The following ERP27 variants were observed in gnomAD, a reference collection of about 807,000 sequenced individuals.
ERP27 encodes the protein endoplasmic reticulum protein 27, also known as endoplasmic reticulum resident protein 27.
In ERP27, 23 loss-of-function variants were observed where a neutral mutation model predicts 27.7. The ratio of observed to expected loss-of-function variants is 0.83; its 90% CI spans 0.60 to 1.18. The LOEUF (loss-of-function observed/expected upper bound fraction) is 1.18. Ranked by LOEUF, ERP27 falls within the 50% of genes most tolerant of loss-of-function variation. The pLI, the probability that ERP27 is intolerant of heterozygous loss-of-function variation, is 0.00. For synonymous variants in ERP27, 159 were observed against 118.3 expected, an observed-to-expected ratio of 1.34 and a Z score of -2.23; for missense variants, 363 against 327.9, an observed-to-expected ratio of 1.11 and a Z score of -0.83.
chr12:14,919,216 A>G (rs1291608384), intron 4 of ERP27, among the ~76,000 whole-genome samples: 2 of 152,228 alleles, frequency 1.3e-5, no homozygotes, highest in African/African-American at 2.4e-5. Context: ...AGGAAATAAA[A>G]AAAGTAACAA....
intron 3 of ERP27, among the ~76,000 whole-genome samples, chr12:14,933,053 T>G (rs1185162390): frequency 6.6e-6 from 1 of 152,240 alleles, no homozygotes; most frequent in Admixed American, 6.5e-5. Flanking sequence ...GCAAAAGAAT[T>G]GTACTTCTTA....
At chr12:14,931,717 T>C (rs1033056235) in intron 3 of ERP27, among the ~76,000 whole-genome samples, 1 of 152,126 alleles carries the variant, frequency 6.6e-6, no homozygotes, top group Admixed American at 6.6e-5. Flanking sequence ...TGTTAGAGGA[T>C]GTTAAACCTG....
At chr12:14,919,646 G>A (rs1863469188) in intron 4 of ERP27, among the ~76,000 whole-genome samples, 1 of 152,122 alleles carries the variant, frequency 6.6e-6, no homozygotes. Flanking sequence ...TAGGGCAATA[G>A]ACAACCACAG....
chr12:14,936,918 C>T (rs1317283834), intron 2 of ERP27, among the ~76,000 whole-genome samples: 1 of 152,066 alleles, frequency 6.6e-6, no homozygotes, highest in Non-Finnish European at 1.5e-5. Flanking sequence ...ACCCGTCTTG[C>T]ATCTGGGGTC....
chr12:14,921,537 G>A (rs1863504070), intron 3 of ERP27, among the ~76,000 whole-genome samples: 1 of 152,164 alleles, frequency 6.6e-6, no homozygotes, highest in Admixed American at 6.5e-5. Flanking sequence ...CTGAAGCCAA[G>A]GCATGTAGAT....
At chr12:14,938,325 A>G in intron 1 of ERP27, 90 bp downstream of exon 1, 2 of 1,352,534 alleles carry the variant, frequency 1.5e-6, no homozygotes, top group South Asian at 2.4e-5. Context: ...CTAGGTGTGG[A>G]GGAAAAGTAC....
At chr12:14,915,010 A>G (rs1863386398) in intron 6 of ERP27, among the ~76,000 whole-genome samples, 1 of 152,144 alleles carries the variant, frequency 6.6e-6, no homozygotes, top group South Asian at 2.1e-4. Context: ...ATATCCTAAC[A>G]AGCATCCTGA....
chr12:14,934,811 C>G, intron 3 of ERP27, 45 bp downstream of exon 3: 3 of 1,612,038 alleles, frequency 1.9e-6, no homozygotes, highest in Non-Finnish European at 2.5e-6. Context: ...AGTCCACAAC[C>G]CAGTGAAAAT....
chr12:14,935,142 G>T (rs997526814), intron 2 of ERP27, 149 bp from the exon 3 acceptor site: 1 of 1,438,560 alleles, frequency 7.0e-7, no homozygotes, highest in Non-Finnish European at 9.1e-7. Context: ...AACAATTCAG[G>T]TTTAACTGGC....
intron 3 of ERP27, among the ~76,000 whole-genome samples, chr12:14,934,500 T>C (rs1413036187): frequency 6.6e-6 from 1 of 152,162 alleles, no homozygotes; most frequent in Non-Finnish European, 1.5e-5. Flanking sequence ...ATATTTAATA[T>C]AAAAATTTTG....
chr12:14,935,395 C>T lies in ERP27; in HGVS notation c.196-402G>A, dbSNP rs55654803. ...AGCAAACAAACTAACATAACCAACT[C>T]TATTTTTGTTTAAAGGGCATTTATT... On this transcript the variant is annotated intron_variant, in intron 2 of 6. Coordinates refer to ENST00000266397, the MANE Select transcript of ERP27 (RefSeq NM_152321.4). Among the ~76,000 whole-genome samples, 860 of 152,298 alleles carry T rather than the reference C, an allele frequency of 5.6e-3. 3 individuals are homozygous for T. The highest frequency in any genetic ancestry group is 8.4e-3 in the Non-Finnish European group (568 of 68,018).
intron 3 of ERP27, among the ~76,000 whole-genome samples, chr12:14,930,626 C>CTTG (rs1565453128): frequency 6.6e-6 from 1 of 151,832 alleles, no homozygotes; most frequent in African/African-American, 2.4e-5. Context: ...TTATATGCAA[C>CTTG]TTATGGTTTC....
intron 4 of ERP27, among the ~76,000 whole-genome samples, chr12:14,917,983 G>GCC (rs1268220091): frequency 6.6e-6 from 1 of 152,186 alleles, no homozygotes; most frequent in African/African-American, 2.4e-5. Context: ...CTTTATTTCA[G>GCC]CCCCCTCTCT....
chr12:14,922,862 G>A lies in ERP27; in HGVS notation c.334-1814C>T, dbSNP rs2430696. Among the ~76,000 whole-genome samples, 418 of 152,242 alleles carry A rather than the reference G, an allele frequency of 2.7e-3. 2 individuals carry two copies. Among genetic ancestry groups the A allele is most frequent in the African/African-American group, 9.0e-3 (373 of 41,546 alleles). On this transcript the variant is annotated intron_variant, in intron 3 of 6. Transcript: ENST00000266397. The stretch of plus-strand genomic sequence containing the variant: ...AGGCCGAGGCCAGCGGATCACCTGA[G>A]GTCAGGAGTTCAAGACTAGCCGGCC...
chr12:14,923,507 CT>C (rs1863545058), intron 3 of ERP27, among the ~76,000 whole-genome samples: 1 of 151,368 alleles, frequency 6.6e-6, no homozygotes, highest in African/African-American at 2.4e-5. Flanking sequence ...ATCTATCTAT[CT>C]ATCTATCTAT....
chr12:14,938,336 C>G lies in ERP27; in HGVS notation c.94+79G>C, dbSNP rs1172624582. 3 of 1,432,998 alleles carry G rather than the reference C, an allele frequency of 2.1e-6. No homozygotes were observed. In the Admixed American group the frequency reaches 5.1e-5, roughly 24 times the overall value. The allele number at this position is 1,432,998 out of a possible 1,614,324, so 88.8% of individuals were successfully genotyped here. A position where few individuals can be genotyped will look rare whatever the true frequency, so the allele number is the denominator to read the frequency against. On this transcript the variant is annotated intron_variant, in intron 1 of 6. Transcript: ENST00000266397. ...CTTTCTAGGTGTGGAGGAAAAGTAC[C>G]CAGAGAACCACCATGCTCCCTTTCC...
At chr12:14,924,528 A>AC (rs1188605620) in intron 3 of ERP27, among the ~76,000 whole-genome samples, 1 of 152,160 alleles carries the variant, frequency 6.6e-6, no homozygotes, top group Non-Finnish European at 1.5e-5. Context: ...CCACATCCAC[A>AC]CCAGCGTTTG....
chr12:14,935,171 T>C, intron 2 of ERP27, 178 bp from the exon 3 acceptor site: 1 of 985,348 alleles, frequency 1.0e-6, no homozygotes, highest in Non-Finnish European at 1.2e-6. Flanking sequence ...TCTTGAATTT[T>C]CCAGGCTCTG....
chr12:14,929,815 A>G (rs1452313135), intron 3 of ERP27, among the ~76,000 whole-genome samples: 1 of 152,156 alleles, frequency 6.6e-6, no homozygotes, highest in Non-Finnish European at 1.5e-5. Flanking sequence ...ATGTATTAAA[A>G]TTGTCTTAGT....
Sources: allele counts gnomAD v4.1 joint callset (sites outside exome capture counted in the v4.1 genomes callset), GRCh38; gene constraint gnomAD v4.1.1; transcripts MANE v1.5; gene names NCBI Gene and HGNC (gene_info 2026-07-23, HGNC 2026-07-21).